Variants in CTNNA3 observed in about 807,000 individuals in gnomAD.
The protein encoded by CTNNA3 is catenin alpha-3.
A neutral mutation model predicts 95.7 loss-of-function variants in CTNNA3; 76 were observed. That is an observed-to-expected ratio of 0.79 (90% CI 0.66 to 0.96). CTNNA3 has a LOEUF of 0.96. CTNNA3 is among the 40% of genes least tolerant of loss of function. CTNNA3 has a pLI of 0.00. For missense variants in CTNNA3, 1,191 were observed against 1,089.8 expected (o/e 1.09, Z -1.31); for synonymous variants, 431 against 374.4 (o/e 1.15, Z -1.74).
chr10:67,477,705 T>A (rs1848071637), intron 5 of CTNNA3, among the ~76,000 whole-genome samples: 1 of 152,020 alleles, frequency 6.6e-6, no homozygotes, highest in Admixed American at 6.6e-5. Flanking sequence ...TGCAAGAAAA[T>A]AATTACAAAA....
chr10:67,427,393 G>A (rs576879383), intron 5 of CTNNA3, among the ~76,000 whole-genome samples: 4 of 152,102 alleles, frequency 2.6e-5, no homozygotes, highest in African/African-American at 7.2e-5. Flanking sequence ...AAAGTGTAAT[G>A]TTGTGATTAG....
chr10:65,930,655 C>T lies in CTNNA3; in HGVS notation c.2401-10038G>A, dbSNP rs1335098884. Among the ~76,000 whole-genome samples the T allele has an allele frequency of 2.6e-5, 4 of 151,996 alleles. No homozygotes were observed. The East Asian group carries it at 7.7e-4, about 29-fold the overall frequency. On this transcript the variant is annotated intron_variant, in intron 17 of 17. Transcript: ENST00000433211. ...TTCTGTGATTATAATATTGAGTATG[C>T]TTAAAAAATAAAGTTCACACATTCA...
chr10:66,509,868 T>C (rs2131988527), intron 11 of CTNNA3, among the ~76,000 whole-genome samples: 1 of 152,100 alleles, frequency 6.6e-6, no homozygotes, highest in South Asian at 2.1e-4. Flanking sequence ...GGCTTGGTAT[T>C]GCATTGGGTA....
chr10:66,267,115 C>A (rs903990475), intron 13 of CTNNA3, among the ~76,000 whole-genome samples: 1 of 152,036 alleles, frequency 6.6e-6, no homozygotes, highest in Non-Finnish European at 1.5e-5. Context: ...GCCATCCCAA[C>A]CATACAGGAT....
intron 9 of CTNNA3, among the ~76,000 whole-genome samples, chr10:66,645,106 T>C (rs893767470): frequency 6.6e-6 from 1 of 152,144 alleles, no homozygotes; most frequent in East Asian, 1.9e-4. Flanking sequence ...TATTGCTGAG[T>C]AGTATTCCAT....
intron 11 of CTNNA3, among the ~76,000 whole-genome samples, chr10:66,502,669 C>A (rs1840316783): frequency 6.6e-6 from 1 of 152,034 alleles, no homozygotes; most frequent in Non-Finnish European, 1.5e-5. Flanking sequence ...ATGAAACTAG[C>A]TCATTTGTCT....
At chr10:67,097,833 T>G (rs910431491) in intron 7 of CTNNA3, 1 of 1,590,770 alleles carries the variant, frequency 6.3e-7, no homozygotes, top group South Asian at 1.1e-5. Context: ...CTACCAAACT[T>G]TGTAACCTCA....
At chr10:66,225,524 G>C (rs1482422055) in intron 13 of CTNNA3, among the ~76,000 whole-genome samples, 3 of 150,624 alleles carry the variant, frequency 2.0e-5, no homozygotes, top group Non-Finnish European at 1.5e-5. Context: ...ATAGAGAATA[G>C]TGTTATAATA....
At chr10:66,664,936 T>C (rs1467665946) in intron 9 of CTNNA3, among the ~76,000 whole-genome samples, 1 of 147,804 alleles carries the variant, frequency 6.8e-6, no homozygotes, top group African/African-American at 2.5e-5. Context: ...TCCTACAAAC[T>C]GGATAGGACC....
chr10:67,715,113 C>A (rs998085444), intron 1 of CTNNA3, among the ~76,000 whole-genome samples: 13 of 152,136 alleles, frequency 8.5e-5, no homozygotes, highest in Non-Finnish European at 1.9e-4. Context: ...CTTTAAAGGG[C>A]TAATTTCTGG....
chr10:66,944,336 A>G (rs190268396), intron 7 of CTNNA3, among the ~76,000 whole-genome samples: 1 of 152,284 alleles, frequency 6.6e-6, no homozygotes, highest in East Asian at 1.9e-4. Context: ...CATCCATTCA[A>G]GTTTGATCAT....
chr10:67,519,423 A>T (rs1839915953), intron 5 of CTNNA3, among the ~76,000 whole-genome samples: 1 of 152,218 alleles, frequency 6.6e-6, no homozygotes. Context: ...CCTCAATAAT[A>T]CATAGGGGCA....
chr10:67,388,811 A>G (rs1844317174), intron 5 of CTNNA3, among the ~76,000 whole-genome samples: 1 of 152,028 alleles, frequency 6.6e-6, no homozygotes, highest in African/African-American at 2.4e-5. Context: ...AGCCAAACTA[A>G]GCTTCATAAG....
At chr10:67,655,900 G>T (rs1333213032) in intron 1 of CTNNA3, among the ~76,000 whole-genome samples, 1 of 151,636 alleles carries the variant, frequency 6.6e-6, no homozygotes, top group Non-Finnish European at 1.5e-5. Context: ...TAATGTGAAG[G>T]ATTGAAACCA....
intron 9 of CTNNA3, among the ~76,000 whole-genome samples, chr10:66,744,225 A>G (rs1244695412): frequency 1.3e-5 from 2 of 152,132 alleles, no homozygotes; most frequent in East Asian, 3.9e-4. Context: ...TGATATGATC[A>G]ATTTGTTAAG....
intron 15 of CTNNA3, among the ~76,000 whole-genome samples, chr10:66,019,535 A>G (rs2079158784): frequency 6.6e-6 from 1 of 152,110 alleles, no homozygotes; most frequent in Admixed American, 6.5e-5. Flanking sequence ...TTATGCCTAA[A>G]GTTTTGATTT....
chr10:66,482,465 C>A (rs968728376), intron 11 of CTNNA3, among the ~76,000 whole-genome samples: 1 of 151,946 alleles, frequency 6.6e-6, no homozygotes, highest in Non-Finnish European at 1.5e-5. Context: ...ATGAAGAAAC[C>A]AAAGCTTAGG....
intron 5 of CTNNA3, among the ~76,000 whole-genome samples, chr10:67,470,540 T>C (rs1368756205): frequency 1.3e-5 from 2 of 152,172 alleles, no homozygotes; most frequent in Non-Finnish European, 2.9e-5. Flanking sequence ...ACATTATATA[T>C]TTGATAGATC....
chr10:66,777,789 A>ACACACG (rs1554850970), intron 7 of CTNNA3, among the ~76,000 whole-genome samples: 1 of 126,934 alleles, frequency 7.9e-6, no homozygotes, highest in East Asian at 2.2e-4. Context: ...ACACACACAC[A>ACACACG]CACACACATG....
Sources: gnomAD v4.1 joint callset for allele counts (sites outside exome capture counted in the v4.1 genomes callset) on GRCh38, gnomAD v4.1.1 for gene constraint, MANE v1.5 for transcripts, NCBI Gene and HGNC (gene_info 2026-07-23, HGNC 2026-07-21) for gene names.